The following DCLRE1B variants were observed in gnomAD, a reference collection of about 807,000 sequenced individuals.
DCLRE1B encodes the protein 5' exonuclease Apollo.
Under a neutral mutation model 19.8 loss-of-function variants are expected in DCLRE1B, and 6 were observed. That is an observed-to-expected ratio of 0.30 (90% CI 0.17 to 0.60). DCLRE1B has a LOEUF of 0.60. Ranked by LOEUF, DCLRE1B falls within the 20% of genes least tolerant of loss-of-function variation. DCLRE1B has a pLI of 0.87. For synonymous variants in DCLRE1B, 258 were observed against 255.7 expected (o/e 1.01, Z -0.09); for missense variants, 622 against 654.2 (o/e 0.95, Z 0.54).
chr1:113,907,089 C>G lies in DCLRE1B; in HGVS notation c.283C>G (p.Leu95Val). The G allele has an allele frequency of 6.2e-7, 1 of 1,613,944 alleles. No homozygotes were observed. Among genetic ancestry groups the G allele is most frequent in the East Asian group, 2.2e-5 (1 of 44,884 alleles). The change falls in exon 2 of 4, where the codon CTC (leucine) becomes GTC (valine). Residue 95 changes from leucine to valine, a missense_variant. Around this residue, in one of 3 missense-constraint regions of DCLRE1B, gnomAD observed 237 missense variants for 223.8 expected, o/e 1.06. Transcript: ENST00000650450. Reference sequence around the variant, plus strand: ...ACAAGAGACCATGACCGTAACCCTCCTCGATGCCAATCACTGTCCTGGTTC... The same window carrying G: ...ACAAGAGACCATGACCGTAACCCTCGTCGATGCCAATCACTGTCCTGGTTC... Reference protein sequence around the residue: ...IGQETMTVTLLDANHCPGSVM... With the variant: ...IGQETMTVTLVDANHCPGSVM...
rs1668860996 is a variant in DCLRE1B, at chr1:113,905,467, A to G, written c.-120A>G. On this transcript the variant is annotated 5_prime_UTR_variant, in exon 1 of 4. Transcript: ENST00000650450. ...ATTGCTCTGCTGGGCTCTTTCCCTT[A>G]GGGTCTCTGGCCCTGTTCTTGCCCC... is the stretch of plus-strand genomic sequence containing the variant. 5.0e-6 allele frequency: 5 copies of G among 994,810 alleles called. No individual in the cohort carries two copies. Among genetic ancestry groups the G allele is most frequent in the Non-Finnish European group, 7.6e-6 (5 of 659,964 alleles). The allele number at this position is 994,810 out of a possible 1,614,324, so 61.6% of individuals were successfully genotyped here. A position where few individuals can be genotyped will look rare whatever the true frequency, so the allele number is the denominator to read the frequency against.
rs1292486362 is a variant in DCLRE1B, at chr1:113,913,664, A to G, written c.*1473A>G. The G allele has an allele frequency of 2.0e-5, 3 of 152,734 alleles. No individual in the cohort carries two copies. Among genetic ancestry groups the G allele is most frequent in the African/African-American group, 7.2e-5 (3 of 41,468 alleles). The allele number at this position is 152,734 out of a possible 1,614,324, so 9.5% of individuals were successfully genotyped here. A position where few individuals can be genotyped will look rare whatever the true frequency, so the allele number is the denominator to read the frequency against. On this transcript the variant is annotated 3_prime_UTR_variant, in exon 4 of 4. Coordinates refer to ENST00000650450, the MANE Select transcript of DCLRE1B (RefSeq NM_022836.4). The stretch of plus-strand genomic sequence containing the variant: ...ATTGAATAATTGGTAAAATTCTCCT[A>G]GCTCAGTGACTGCCACAGGATGGGT...
At chr1:113,907,875 A>T in intron 2 of DCLRE1B, 134 bp from the exon 3 acceptor site, 1 of 891,824 alleles carries the variant, frequency 1.1e-6, no homozygotes, top group Non-Finnish European at 1.7e-6. Context: ...TATACTGCCT[A>T]GTTCAGTGCC....
chr1:113,908,340 G>C lies in DCLRE1B; in HGVS notation c.538+149G>C. The C allele has an allele frequency of 6.3e-6, 7 of 1,115,434 alleles. No homozygotes were observed. In the South Asian group the frequency reaches 1.2e-4, roughly 18 times the overall value. 69.1% of individuals were successfully genotyped at this position (1,115,434 alleles called of 1,614,324 possible). Reference sequence around the variant, plus strand: ...AATTGCAACCTGGCTAGGTGTGGTGGTTCATGCCTATAATCCCAGCACTTT... The same window carrying C: ...AATTGCAACCTGGCTAGGTGTGGTGCTTCATGCCTATAATCCCAGCACTTT... On this transcript the variant is annotated intron_variant, in intron 3 of 3. Coordinates refer to ENST00000650450, the MANE Select transcript of DCLRE1B (RefSeq NM_022836.4).
chr1:113,907,811 G>A (rs934379153), intron 2 of DCLRE1B, among the ~76,000 whole-genome samples, 198 bp from the exon 3 acceptor site: 16 of 152,176 alleles, frequency 1.1e-4, no homozygotes, highest in Admixed American at 3.3e-4. Context: ...CTTGTGAAGA[G>A]TAATTGAAAA....
chr1:113,913,752 A>C lies in DCLRE1B; in HGVS notation c.*1561A>C, dbSNP rs1669347508. 1.3e-5 allele frequency: 2 copies of C among 150,590 alleles called. No individual in the cohort carries two copies. Among genetic ancestry groups the C allele is most frequent in the Admixed American group, 1.3e-4 (2 of 15,034 alleles). The allele number at this position is 150,590 out of a possible 1,614,324, so 9.3% of individuals were successfully genotyped here. A position where few individuals can be genotyped will look rare whatever the true frequency, so the allele number is the denominator to read the frequency against. On this transcript the variant is annotated 3_prime_UTR_variant, in exon 4 of 4. Transcript: ENST00000650450. ...AAAGAAATTAATCTGTATATAACAT[A>C]AGAAACTTTGAAAGTCAAAAAAACA...
upstream of DCLRE1B, chr1:113,904,914 G>A (rs376810969): frequency 1.0e-5 from 6 of 595,208 alleles, no homozygotes; most frequent in African/African-American, 1.8e-5. Context: ...GACACCGCGA[G>A]CCCCACCCTA....
intron 3 of DCLRE1B, among the ~76,000 whole-genome samples, chr1:113,910,284 A>G (rs1238351126): frequency 6.6e-6 from 1 of 152,212 alleles, no homozygotes; most frequent in Non-Finnish European, 1.5e-5. Context: ...TCTTAGCGGT[A>G]CATATAAGAC....
intron 1 of DCLRE1B, among the ~76,000 whole-genome samples, chr1:113,906,517 G>A (rs1439886982): frequency 6.7e-6 from 1 of 149,510 alleles, no homozygotes; most frequent in Non-Finnish European, 1.5e-5. Flanking sequence ...TTGAGATGGA[G>A]TCTCGCTCTG....
chr1:113,906,644 C>A (rs570574305), intron 1 of DCLRE1B, among the ~76,000 whole-genome samples: 61 of 152,250 alleles, frequency 4.0e-4, no homozygotes, highest in Non-Finnish European at 7.4e-4. Context: ...GCGCCCGCCA[C>A]CACGCCTGGC....
At position 113,911,818 on chromosome 1, in the gene DCLRE1B, G is replaced by A; in HGVS notation, c.1226G>A (p.Trp409Ter). 2 of 1,614,234 alleles carry A rather than the reference G, an allele frequency of 1.2e-6. No homozygotes were observed. The highest frequency in any genetic ancestry group is 1.7e-6 in the Non-Finnish European group (2 of 1,180,046). The part of the protein sequence containing the change: ...QLFPDLYSKE[W>*]NKAVPFCESQ... ...TTCCCAGATCTCTATAGCAAAGAAT[G>A]GAACAAGGCAGTGCCTTTCTGTGAG... The change falls in exon 4 of 4, where the codon TGG becomes TAG. Residue 409 changes from tryptophan (W) to a stop codon, truncating the protein, a stop_gained. Transcript: ENST00000650450. LOFTEE classifies it low-confidence loss of function (END_TRUNC).
rs1669330608 is a variant in DCLRE1B, at chr1:113,913,234, A to T, written c.*1043A>T. 6.5e-6 allele frequency: 1 copy of T among 152,752 alleles called. No homozygotes were observed. The highest frequency in any genetic ancestry group is 1.5e-5 in the Non-Finnish European group (1 of 68,086). The allele number at this position is 152,752 out of a possible 1,614,324, so 9.5% of individuals were successfully genotyped here. ...ACTAGTAAGCAGGATAGCTGATACC[A>T]CGGCTATGAGGGAGTAGGCTCTGAG... On this transcript the variant is annotated 3_prime_UTR_variant, in exon 4 of 4. Coordinates refer to ENST00000650450, the MANE Select transcript of DCLRE1B (RefSeq NM_022836.4).
chr1:113,908,803 GCA>G (rs35433996), intron 3 of DCLRE1B, among the ~76,000 whole-genome samples: 20,764 of 150,676 alleles, frequency 0.14, 2,571 homozygotes, highest in African/African-American at 0.33. Context: ...ACATACGCGT[GCA>G]CACACACACA....
intron 2 of DCLRE1B, 40 bp downstream of exon 2, chr1:113,907,201 G>GTTTTTT: frequency 4.1e-6 from 1 of 245,262 alleles, no homozygotes; most frequent in Non-Finnish European, 6.6e-6. Context: ...CTCCAGACTA[G>GTTTTTT]ATGTTTTTTT....
At chr1:113,906,939 C>A in intron 1 of DCLRE1B, 57 bp from the exon 2 acceptor site, 1 of 1,595,006 alleles carries the variant, frequency 6.3e-7, no homozygotes. Flanking sequence ...AGTCCCTGAC[C>A]CGGGGAGGTA....
upstream of DCLRE1B, chr1:113,904,855 C>T (rs900364214): frequency 3.8e-6 from 3 of 792,986 alleles, no homozygotes; most frequent in Non-Finnish European, 6.5e-6. Context: ...TCAGGCTCGG[C>T]TTCCGTAGGG....
chr1:113,910,245 C>T (rs950954119), intron 3 of DCLRE1B, among the ~76,000 whole-genome samples: 2 of 152,122 alleles, frequency 1.3e-5, no homozygotes, highest in Non-Finnish European at 2.9e-5. Flanking sequence ...TCAGTGGCTC[C>T]CCTTCACTTA....
rs998103880 is a variant in DCLRE1B, at chr1:113,911,185, A to G, written c.593A>G (p.Gln198Arg). Residue 198 changes from glutamine to arginine, a missense_variant, in exon 4 of 4, where the codon CAG becomes CGG. Physicochemically the swap from Gln to Arg is conservative, Grantham distance 43. Around this residue, in one of 3 missense-constraint regions of DCLRE1B, gnomAD observed 382 missense variants for 412.5 expected, o/e 0.93. Transcript: ENST00000650450. ...SLLEQLALEF[Q>R]TWVVLSPRRL... is the part of the protein sequence containing the mutation. ...CTGGAGCAGCTGGCCCTGGAGTTTCAGACCTGGGTGGTATTGAGTCCTCGG... is the reference window on the plus strand; with the variant it reads ...CTGGAGCAGCTGGCCCTGGAGTTTCGGACCTGGGTGGTATTGAGTCCTCGG... 6.2e-7 allele frequency: 1 copy of G among 1,614,186 alleles called. No homozygotes were observed. The highest frequency in any genetic ancestry group is 8.5e-7 in the Non-Finnish European group (1 of 1,180,038).
Position 113,908,028 on chromosome 1 carries a change from A to G in DCLRE1B, c.375A>G (p.Pro125=), listed in dbSNP as rs2101069979. The change falls in exon 3 of 4, where the codon CCA becomes CCG. Residue 125 remains proline (P), a synonymous_variant. Coordinates refer to ENST00000650450, the MANE Select transcript of DCLRE1B (RefSeq NM_022836.4). ...ILYTGDFRYT[P]SMLKEPALTL... The stretch of plus-strand genomic sequence containing the variant: ...CTCCAGGTGATTTTCGATACACACC[A>G]TCCATGCTAAAGGAGCCAGCCCTGA... 1.2e-6 allele frequency: 2 copies of G among 1,613,996 alleles called. No individual in the cohort carries two copies. Among genetic ancestry groups the G allele is most frequent in the Non-Finnish European group, 1.7e-6 (2 of 1,179,938 alleles).
Sources: allele counts gnomAD v4.1 joint callset (sites outside exome capture counted in the v4.1 genomes callset), GRCh38; gene constraint gnomAD v4.1.1; regional missense constraint gnomAD v4.1.1; transcripts MANE v1.5; gene names NCBI Gene and HGNC (gene_info 2026-07-23, HGNC 2026-07-21).